Variants in CNBD1 observed in about 807,000 individuals in gnomAD.
CNBD1 encodes cyclic nucleotide binding domain containing 1.
Under a neutral mutation model 54.4 loss-of-function variants are expected in CNBD1, and 71 were observed. The ratio of observed to expected loss-of-function variants is 1.30; its 90% CI spans 1.08 to 1.59. The LOEUF is 1.59. Ranked by LOEUF, CNBD1 falls within the 40% of genes most tolerant of loss-of-function variation. The pLI is 0.00. For synonymous variants in CNBD1, 182 were observed against 170.7 expected (o/e 1.07, Z -0.51); for missense variants, 659 against 518.0 (o/e 1.27, Z -2.64).
intron 2 of CNBD1, among the ~76,000 whole-genome samples, chr8:87,391,577 C>T (rs763284354): frequency 3.3e-5 from 5 of 151,940 alleles, no homozygotes; most frequent in Admixed American, 3.3e-4. Flanking sequence ...TGACAGGTTG[C>T]TGAGATAATT....
At chr8:87,240,928 G>A (rs550790591) in intron 6 of CNBD1, among the ~76,000 whole-genome samples, 24 of 152,104 alleles carry the variant, frequency 1.6e-4, no homozygotes, top group African/African-American at 5.8e-4. Flanking sequence ...GGTTCTCCAG[G>A]GTTGTTCCCT....
chr8:86,935,621 G>A (rs1220476092), intron 3 of CNBD1, among the ~76,000 whole-genome samples: 2 of 151,760 alleles, frequency 1.3e-5, no homozygotes, highest in Non-Finnish European at 2.9e-5. Context: ...ATTTATGTCT[G>A]CCTTTTCTGT....
intron 4 of CNBD1, among the ~76,000 whole-genome samples, chr8:87,173,731 A>C (rs1179954794): frequency 6.7e-6 from 1 of 149,678 alleles, no homozygotes; most frequent in Non-Finnish European, 1.5e-5. Context: ...AAATGCCTTT[A>C]ATTAATCTTC....
intron 2 of CNBD1, among the ~76,000 whole-genome samples, chr8:87,392,028 G>A (rs1811319381): frequency 6.6e-6 from 1 of 151,992 alleles, no homozygotes; most frequent in Admixed American, 6.6e-5. Flanking sequence ...CTCTAAAGAA[G>A]AATGGCTGAT....
At position 87,228,408 on chromosome 8, in the gene CNBD1, GA is replaced by G. The variant is rs1814565012; in HGVS notation, c.578-8510del. On this transcript the variant is annotated intron_variant, in intron 5 of 10. Coordinates refer to ENST00000518476, the MANE Select transcript of CNBD1 (RefSeq NM_173538.3). Reference sequence around the variant, plus strand: ...TGGTCTTTGATGATGGTGATGTACAGATGGGTTTTTGGTGTGGATGTCCTTT... The same window carrying G: ...TGGTCTTTGATGATGGTGATGTACAGTGGGTTTTTGGTGTGGATGTCCTTT... Among the ~76,000 whole-genome samples the G allele has an allele frequency of 2.7e-5, 4 of 149,064 alleles. No individual in the cohort carries two copies. The South Asian group carries it at 8.3e-4, about 31-fold the overall frequency.
chr8:87,359,517 T>C (rs1383202980), intron 10 of CNBD1, among the ~76,000 whole-genome samples: 2 of 152,164 alleles, frequency 1.3e-5, no homozygotes, highest in Non-Finnish European at 2.9e-5. Flanking sequence ...TAGTTAAATG[T>C]ACATTTTAAG....
At chr8:87,015,972 C>T (rs562110214) in intron 4 of CNBD1, among the ~76,000 whole-genome samples, 21 of 111,810 alleles carry the variant, frequency 1.9e-4, no homozygotes, top group East Asian at 9.7e-4. Context: ...AGTGAGAATC[C>T]GTCTCAAAAA....
chr8:87,393,516 G>C (rs1811350415), intron 2 of CNBD1, among the ~76,000 whole-genome samples: 1 of 151,818 alleles, frequency 6.6e-6, no homozygotes, highest in Non-Finnish European at 1.5e-5. Flanking sequence ...AGTAGGCTTT[G>C]GGAATTGCAA....
intron 3 of CNBD1, among the ~76,000 whole-genome samples, chr8:86,917,856 A>G (rs1014158637): frequency 5.9e-5 from 9 of 152,326 alleles, no homozygotes; most frequent in Non-Finnish European, 8.8e-5. Context: ...TTGTTAAAAC[A>G]GCCTTTATTT....
intron 1 of CNBD1, among the ~76,000 whole-genome samples, chr8:86,882,988 T>C (rs1808626611): frequency 6.6e-6 from 1 of 151,874 alleles, no homozygotes; most frequent in Non-Finnish European, 1.5e-5. Flanking sequence ...CATGGACACA[T>C]AGAGGGGAAC....
intron 10 of CNBD1, among the ~76,000 whole-genome samples, chr8:87,355,682 G>A (rs190164391): frequency 6.6e-6 from 1 of 152,142 alleles, no homozygotes. Context: ...ATTACCATGG[G>A]TGAGAGGTAT....
chr8:86,952,695 T>G (rs1807655592), intron 4 of CNBD1, among the ~76,000 whole-genome samples: 1 of 152,136 alleles, frequency 6.6e-6, no homozygotes, highest in Non-Finnish European at 1.5e-5. Context: ...TTTGATAACT[T>G]TTGATACATG....
chr8:87,298,338 G>A (rs1585992085), intron 8 of CNBD1, among the ~76,000 whole-genome samples: 1 of 151,902 alleles, frequency 6.6e-6, no homozygotes, highest in South Asian at 2.1e-4. Context: ...GGTTCCCAGG[G>A]CAAAGCGCGA....
intron 4 of CNBD1, among the ~76,000 whole-genome samples, chr8:86,983,985 A>G (rs970150923): frequency 3.3e-5 from 5 of 152,188 alleles, no homozygotes. Flanking sequence ...TCTCCAGGGC[A>G]TGTCAGAGAC....
intron 6 of CNBD1, among the ~76,000 whole-genome samples, chr8:87,247,131 G>A (rs1391085533): frequency 3.9e-5 from 6 of 152,082 alleles, no homozygotes; most frequent in Non-Finnish European, 7.4e-5. Context: ...TCTCCACCTT[G>A]ACTTTAATCC....
In CNBD1 at chr8:87,195,508, G is replaced by C. The variant is rs568113248; in HGVS notation, c.432-10485G>C. Among the ~76,000 whole-genome samples the C allele has an allele frequency of 1.2e-3, 175 of 145,470 alleles. 1 individual carries two copies. The Middle Eastern group carries it at 0.022, about 18-fold the overall frequency. On this transcript the variant is annotated intron_variant, in intron 4 of 10. Coordinates refer to ENST00000518476, the MANE Select transcript of CNBD1 (RefSeq NM_173538.3). ...CTCCCAAAGTGCTGGGATTACAGGC[G>C]TAAGTCACCATGCCCAGCTGAATAT...
rs528861384 is a variant in CNBD1 at position 87,420,934 on chromosome 8, A to G, written c.214-7612A>G. On this transcript the variant is annotated intron_variant, in intron 2 of 7. Transcript: ENST00000521593. Reference sequence around the variant, plus strand: ...TTACTGATCGTGGAGTAAGCTTTCAATAAATATTGAATTAAACTGATGACT... The same window carrying G: ...TTACTGATCGTGGAGTAAGCTTTCAGTAAATATTGAATTAAACTGATGACT... Among the ~76,000 whole-genome samples the G allele has an allele frequency of 2.0e-5, 3 of 152,214 alleles. No individual in the cohort carries two copies. In the South Asian group the frequency reaches 6.2e-4, roughly 32 times the overall value.
chr8:87,103,138 G>A (rs1056792508), intron 4 of CNBD1, among the ~76,000 whole-genome samples: 1 of 152,150 alleles, frequency 6.6e-6, no homozygotes, highest in Non-Finnish European at 1.5e-5. Flanking sequence ...TGTGCTGAAG[G>A]TAGCATTTGC....
chr8:87,146,517 T>C (rs746758836), intron 4 of CNBD1, among the ~76,000 whole-genome samples: 2 of 152,154 alleles, frequency 1.3e-5, no homozygotes, highest in Non-Finnish European at 2.9e-5. Flanking sequence ...TGGCTTTAAA[T>C]ATCATCTTTA....
Sources: gnomAD v4.1 joint callset for allele counts (sites outside exome capture counted in the v4.1 genomes callset) on GRCh38, gnomAD v4.1.1 for gene constraint, MANE v1.5 for transcripts, NCBI Gene and HGNC (gene_info 2026-07-23, HGNC 2026-07-21) for gene names.